Variants in SGCZ observed in about 807,000 individuals in gnomAD.
SGCZ encodes the protein zeta-sarcoglycan.
In SGCZ, 40 loss-of-function variants were observed where a neutral mutation model predicts 41.3. That is an observed-to-expected ratio of 0.97 (90% CI 0.75 to 1.26). The LOEUF (loss-of-function observed/expected upper bound fraction) is 1.26, where lower values mean the gene tolerates loss of function less well. SGCZ is among the 50% of genes most tolerant of loss of function. SGCZ has a pLI of 0.00. For synonymous variants in SGCZ, 206 were observed against 137.5 expected (o/e 1.50, Z -3.49); for missense variants, 552 against 369.8 (o/e 1.49, Z -4.04).
At chr8:14,195,396 T>C (rs541769765) in intron 4 of SGCZ, among the ~76,000 whole-genome samples, 1 of 152,220 alleles carries the variant, frequency 6.6e-6, no homozygotes, top group South Asian at 2.1e-4. Flanking sequence ...AAAATGAGAA[T>C]TCAGTGATTT....
chr8:14,867,560 C>T (rs1803978255), intron 1 of SGCZ, among the ~76,000 whole-genome samples: 2 of 152,132 alleles, frequency 1.3e-5, no homozygotes, highest in African/African-American at 4.8e-5. Context: ...CTAATTTACA[C>T]TCCCACCAAG....
At chr8:14,979,730 C>A (rs1801600287) in intron 1 of SGCZ, among the ~76,000 whole-genome samples, 1 of 152,156 alleles carries the variant, frequency 6.6e-6, no homozygotes, top group Non-Finnish European at 1.5e-5. Flanking sequence ...TTCTTCATTT[C>A]TTTTTCCTAA....
intron 1 of SGCZ, among the ~76,000 whole-genome samples, chr8:15,043,950 C>G (rs989113083): frequency 2.0e-5 from 3 of 152,080 alleles, no homozygotes; most frequent in Admixed American, 6.6e-5. Flanking sequence ...CCACAAGGTT[C>G]TCTCTGGAAA....
chr8:15,198,800 T>C (rs909114398), intron 1 of SGCZ, among the ~76,000 whole-genome samples: 1 of 152,132 alleles, frequency 6.6e-6, no homozygotes, highest in African/African-American at 2.4e-5. Flanking sequence ...CACAGCTAAG[T>C]TACAGGGCTT....
chr8:14,886,877 A>G (rs569038047), intron 1 of SGCZ, among the ~76,000 whole-genome samples: 1 of 152,310 alleles, frequency 6.6e-6, no homozygotes, highest in Non-Finnish European at 1.5e-5. Context: ...GGCTACTGCA[A>G]TAAAAGAAGT....
At chr8:14,276,543 T>C (rs10094757) in intron 3 of SGCZ, among the ~76,000 whole-genome samples, 32,895 of 152,098 alleles carry the variant, frequency 0.22, 3,753 homozygotes, top group East Asian at 0.3. Flanking sequence ...TACATCTTTT[T>C]TATCACTGGA....
chr8:14,881,988 A>G (rs1454106806), intron 1 of SGCZ, among the ~76,000 whole-genome samples: 1 of 152,232 alleles, frequency 6.6e-6, no homozygotes, highest in Non-Finnish European at 1.5e-5. Flanking sequence ...TGGGTAAATA[A>G]TGAAATTGAC....
At chr8:14,249,663 A>G (rs1189852048) in intron 3 of SGCZ, among the ~76,000 whole-genome samples, 1 of 152,012 alleles carries the variant, frequency 6.6e-6, no homozygotes, top group East Asian at 1.9e-4. Context: ...GAGATAATCT[A>G]TTTTCAACTT....
At chr8:14,310,026 C>A (rs1393366934) in intron 3 of SGCZ, among the ~76,000 whole-genome samples, 2 of 151,968 alleles carry the variant, frequency 1.3e-5, no homozygotes, top group Admixed American at 1.3e-4. Flanking sequence ...CTTGGCATTT[C>A]TATACTTTAC....
At chr8:14,301,390 T>C (rs1224664417) in intron 3 of SGCZ, among the ~76,000 whole-genome samples, 3 of 152,032 alleles carry the variant, frequency 2.0e-5, no homozygotes, top group African/African-American at 7.2e-5. Flanking sequence ...AACAAACAAT[T>C]GTTGAAAAGC....
chr8:14,922,723 A>C (rs1256762525), intron 1 of SGCZ, among the ~76,000 whole-genome samples: 2 of 152,216 alleles, frequency 1.3e-5, no homozygotes, highest in East Asian at 1.9e-4. Flanking sequence ...ATATGATTCT[A>C]ATCTTCTAAA....
intron 2 of SGCZ, among the ~76,000 whole-genome samples, chr8:14,344,987 T>C (rs1239148250): frequency 6.6e-6 from 1 of 152,078 alleles, no homozygotes; most frequent in Non-Finnish European, 1.5e-5. Context: ...GCATACACAC[T>C]GGCAAAATAA....
intron 1 of SGCZ, among the ~76,000 whole-genome samples, chr8:14,613,079 C>A (rs1805982335): frequency 6.6e-6 from 1 of 152,136 alleles, no homozygotes; most frequent in South Asian, 2.1e-4. Flanking sequence ...GAGGCTGCAC[C>A]CTGTGCCCTG....
chr8:14,970,566 C>T (rs1801257604), intron 1 of SGCZ, among the ~76,000 whole-genome samples: 1 of 152,056 alleles, frequency 6.6e-6, no homozygotes, highest in Non-Finnish European at 1.5e-5. Context: ...AAAAGACTTA[C>T]CTTTGTAGAA....
chr8:14,547,110 T>G (rs1803653543), intron 2 of SGCZ, among the ~76,000 whole-genome samples: 2 of 152,162 alleles, frequency 1.3e-5, no homozygotes, highest in Admixed American at 6.6e-5. Flanking sequence ...ACGTTATAAT[T>G]CAGGGTATTT....
At chr8:14,591,105 T>C (rs1166244730) in intron 1 of SGCZ, among the ~76,000 whole-genome samples, 1 of 151,696 alleles carries the variant, frequency 6.6e-6, no homozygotes, top group African/African-American at 2.4e-5. Flanking sequence ...CAGAGTCATC[T>C]AATAAATCTT....
At chr8:14,614,378 A>G (rs1299823477) in intron 1 of SGCZ, among the ~76,000 whole-genome samples, 1 of 152,170 alleles carries the variant, frequency 6.6e-6, no homozygotes, top group Admixed American at 6.5e-5. Flanking sequence ...TCACCCTCCC[A>G]ATACAGAATA....
chr8:14,763,578 T>C (rs375998886), intron 1 of SGCZ, among the ~76,000 whole-genome samples: 1 of 152,228 alleles, frequency 6.6e-6, no homozygotes, highest in African/African-American at 2.4e-5. Flanking sequence ...TTTTGAAAAA[T>C]AATCTCGAAC....
chr8:14,595,369 C>T (rs1011772408), intron 1 of SGCZ, among the ~76,000 whole-genome samples: 2 of 150,518 alleles, frequency 1.3e-5, no homozygotes, highest in Non-Finnish European at 3.0e-5. Context: ...TGTGTTTGTA[C>T]TCACATATAT....
Sources: allele counts gnomAD v4.1 joint callset (sites outside exome capture counted in the v4.1 genomes callset), GRCh38; gene constraint gnomAD v4.1.1; transcripts MANE v1.5; gene names NCBI Gene and HGNC (gene_info 2026-07-23, HGNC 2026-07-21).